The following GLG1 variants were observed in gnomAD, a reference collection of about 807,000 sequenced individuals.
The protein encoded by GLG1 is Golgi apparatus protein 1.
GLG1 carries 38 observed loss-of-function variants against 160.5 expected under a neutral mutation model. That is an observed-to-expected ratio of 0.24 (90% CI 0.18 to 0.31). The LOEUF (loss-of-function observed/expected upper bound fraction) is 0.31. Ranked by LOEUF, GLG1 falls within the 10% of genes least tolerant of loss-of-function variation. The pLI is 1.00. For missense variants in GLG1, 1,373 were observed against 1,505.2 expected (o/e 0.91, Z 1.45); for synonymous variants, 644 against 543.4 (o/e 1.19, Z -2.57).
chr16:74,537,484 C>A (rs1446588753), intron 1 of GLG1, among the ~76,000 whole-genome samples: 1 of 148,800 alleles, frequency 6.7e-6, no homozygotes, highest in Non-Finnish European at 1.5e-5. Flanking sequence ...CCCCTAACAA[C>A]AGGCTTTGAA....
chr16:74,523,578 T>C (rs1313232089), intron 2 of GLG1, among the ~76,000 whole-genome samples: 1 of 152,184 alleles, frequency 6.6e-6, no homozygotes, highest in Non-Finnish European at 1.5e-5. Context: ...CAACTGCTCA[T>C]TTATTTATTT....
At chr16:74,502,149 T>C (rs936950930) in intron 4 of GLG1, among the ~76,000 whole-genome samples, 2 of 152,204 alleles carry the variant, frequency 1.3e-5, no homozygotes, top group African/African-American at 4.8e-5. Context: ...TTTTCCATCA[T>C]ATTTCCTGAA....
chr16:74,540,060 A>ATAT lies in GLG1; in HGVS notation c.439-7910_439-7908dup, dbSNP rs1317509245. ...TTTATATATATATTATATATATTTTATATATATATATTATATATATTTTAT... is the reference window on the plus strand; with the variant it reads ...TTTATATATATATTATATATATTTTATATTATATATATATTATATATATTTTAT... On this transcript the variant is annotated intron_variant, in intron 1 of 25. Coordinates refer to ENST00000422840, the MANE Select transcript of GLG1 (RefSeq NM_001145667.2). Among the ~76,000 whole-genome samples, 3 of 1,248 alleles carry ATAT rather than the reference A, an allele frequency of 2.4e-3. 1 individual carries two copies. The highest frequency in any genetic ancestry group is 0.25 in the East Asian group (2 of 8). The allele number at this position is 1,248 out of a possible 152,430, so 0.8% of individuals were successfully genotyped here. A position where few individuals can be genotyped will look rare whatever the true frequency, so the allele number is the denominator to read the frequency against.
At chr16:74,481,854 G>A (rs1028877737) in intron 10 of GLG1, among the ~76,000 whole-genome samples, 6 of 152,006 alleles carry the variant, frequency 3.9e-5, no homozygotes, top group African/African-American at 7.2e-5. Context: ...GCGCGATATC[G>A]GCTCAGGGCA....
chr16:74,459,626 A>G, intron 23 of GLG1, 56 bp downstream of exon 23: 1 of 904,344 alleles, frequency 1.1e-6, no homozygotes, highest in Non-Finnish European at 1.8e-6. Flanking sequence ...ATTAAAAGGA[A>G]GAAGAGAAAA....
chr16:74,484,594 C>G (rs879505145), intron 9 of GLG1, among the ~76,000 whole-genome samples: 1 of 151,892 alleles, frequency 6.6e-6, no homozygotes, highest in Non-Finnish European at 1.5e-5. Context: ...AACCCTGTCT[C>G]TACTAAAAAC....
intron 1 of GLG1, among the ~76,000 whole-genome samples, chr16:74,599,727 G>C (rs1246097811): frequency 6.6e-6 from 1 of 152,270 alleles, no homozygotes; most frequent in South Asian, 2.1e-4. Context: ...AGCCGGGCAT[G>C]GTGGTGGGCG....
In GLG1 at chr16:74,462,649, A is replaced by G. The variant is rs1385448963; in HGVS notation, c.2792-19T>C. 1.2e-6 allele frequency: 2 copies of G among 1,613,124 alleles called. No individual in the cohort carries two copies. Among genetic ancestry groups the G allele is most frequent in the African/African-American group, 1.3e-5 (1 of 74,912 alleles). On this transcript the variant is annotated intron_variant, in intron 20 of 25. Transcript: ENST00000422840. ...CGGTAATCTAGAGTAGAAAGCAGTGAGCATGTGACAAAACATTCCACCTGA... is the reference window on the plus strand; with the variant it reads ...CGGTAATCTAGAGTAGAAAGCAGTGGGCATGTGACAAAACATTCCACCTGA...
chr16:74,459,280 C>G (rs2014686224), intron 23 of GLG1, among the ~76,000 whole-genome samples: 1 of 152,116 alleles, frequency 6.6e-6, no homozygotes, highest in African/African-American at 2.4e-5. Context: ...AGATCAAGAC[C>G]ATTCTGGCTA....
intron 2 of GLG1, among the ~76,000 whole-genome samples, chr16:74,526,893 C>G (rs575213179): frequency 4.5e-4 from 68 of 152,328 alleles, no homozygotes; most frequent in Middle Eastern, 3.4e-3. Flanking sequence ...ATGTGATAGT[C>G]TGACTAGTGT....
intron 1 of GLG1, among the ~76,000 whole-genome samples, chr16:74,544,843 G>A (rs1225097499): frequency 6.6e-6 from 1 of 151,976 alleles, no homozygotes; most frequent in Non-Finnish European, 1.5e-5. Context: ...AATACTTAAA[G>A]CACCTAGCAC....
chr16:74,516,313 C>G (rs1452287581), intron 2 of GLG1, among the ~76,000 whole-genome samples: 1 of 151,692 alleles, frequency 6.6e-6, no homozygotes, highest in Non-Finnish European at 1.5e-5. Context: ...AAGTAAAGCA[C>G]TCCTCAGCAA....
In GLG1 at chr16:74,483,103, T is replaced by C. The variant is rs764410198; in HGVS notation, c.1593A>G (p.Glu531=). ...GDPMILSCLM[E]HLYTEKMVED... is the part of the protein sequence containing the mutation. Reference sequence around the variant, plus strand: ...CTACCATCTTCTCTGTGTATAAATGTTCCATCAGGCACGACAAGATCCTAG... The same window carrying C: ...CTACCATCTTCTCTGTGTATAAATGCTCCATCAGGCACGACAAGATCCTAG... Residue 531 remains glutamate (E), a synonymous_variant, in exon 10 of 26, where the codon GAA becomes GAG. Coordinates refer to ENST00000422840, the MANE Select transcript of GLG1 (RefSeq NM_001145667.2). 37 of 1,604,472 alleles carry C rather than the reference T, an allele frequency of 2.3e-5. No homozygotes were observed. Among genetic ancestry groups the C allele is most frequent in the Non-Finnish European group, 3.0e-5 (35 of 1,171,486 alleles).
At chr16:74,583,916 T>C (rs1309855806) in intron 1 of GLG1, among the ~76,000 whole-genome samples, 1 of 152,112 alleles carries the variant, frequency 6.6e-6, no homozygotes, top group Non-Finnish European at 1.5e-5. Context: ...CAGTAAATAA[T>C]ATTTACCCAA....
intron 1 of GLG1, among the ~76,000 whole-genome samples, chr16:74,546,525 A>C (rs1305645837): frequency 6.6e-6 from 1 of 152,134 alleles, no homozygotes; most frequent in African/African-American, 2.4e-5. Context: ...AACAAAGGTA[A>C]GAATTTATGA....
chr16:74,512,339 C>T (rs2016839670), intron 2 of GLG1, among the ~76,000 whole-genome samples: 1 of 149,420 alleles, frequency 6.7e-6, no homozygotes, highest in Non-Finnish European at 1.5e-5. Flanking sequence ...TCTCGGCTCA[C>T]TGCAACCTCC....
intron 22 of GLG1, among the ~76,000 whole-genome samples, chr16:74,461,213 G>A (rs2014778479): frequency 6.6e-6 from 1 of 151,164 alleles, no homozygotes; most frequent in South Asian, 2.1e-4. Flanking sequence ...TGTCGCCCAG[G>A]CTGGAGTGCA....
At chr16:74,464,690 T>C (rs957533849) in intron 19 of GLG1, among the ~76,000 whole-genome samples, 17 of 152,212 alleles carry the variant, frequency 1.1e-4, no homozygotes, top group Admixed American at 3.3e-4. Flanking sequence ...CATTTTTACA[T>C]ATGACTCAAT....
At chr16:74,512,753 T>A (rs1597291282) in intron 2 of GLG1, among the ~76,000 whole-genome samples, 1 of 146,876 alleles carries the variant, frequency 6.8e-6, no homozygotes, top group African/African-American at 2.5e-5. Context: ...GAAGGAAGAG[T>A]CAGGTTGGAA....
Sources: allele counts gnomAD v4.1 joint callset (sites outside exome capture counted in the v4.1 genomes callset), GRCh38; gene constraint gnomAD v4.1.1; transcripts MANE v1.5; gene names NCBI Gene and HGNC (gene_info 2026-07-23, HGNC 2026-07-21).